NECTIN4: variants seen among roughly 807,000 people sequenced by gnomAD.
NECTIN4 encodes nectin-4.
Under a neutral mutation model 51.7 loss-of-function variants are expected in NECTIN4, and 19 were observed. That is an observed-to-expected ratio of 0.37 (90% CI 0.26 to 0.54). The LOEUF is 0.54. NECTIN4 is among the 20% of genes least tolerant of loss of function. NECTIN4 has a pLI of 0.86. For missense variants in NECTIN4, 619 were observed against 662.4 expected (o/e 0.93, Z 0.72); for synonymous variants, 283 against 286.9 (o/e 0.99, Z 0.14).
chr1:161,079,541 C>A, intron 2 of NECTIN4, 49 bp downstream of exon 2: 1 of 1,595,470 alleles, frequency 6.3e-7, no homozygotes, highest in Non-Finnish European at 8.5e-7. Flanking sequence ...ATCTCTGCTT[C>A]CCCCTGCATC....
chr1:161,072,539 G>T lies in NECTIN4; in HGVS notation c.*122C>A. 1 of 823,768 alleles carries T rather than the reference G, an allele frequency of 1.2e-6. No homozygotes were observed. Among genetic ancestry groups the T allele is most frequent in the Admixed American group, 1.9e-5 (1 of 51,724 alleles). The allele number at this position is 823,768 out of a possible 1,614,324, so 51.0% of individuals were successfully genotyped here. ...AAGGGTTGGAGGTAAAGGTCAAGCA[G>T]TCAGTGGGATGGGGAGCATCTTCCG... On this transcript the variant is annotated 3_prime_UTR_variant, in exon 9 of 9. Transcript: ENST00000368012.
At chr1:161,074,088 C>G in intron 6 of NECTIN4, 129 bp downstream of exon 6, 2 of 1,189,200 alleles carry the variant, frequency 1.7e-6, no homozygotes, top group Non-Finnish European at 2.5e-6. Flanking sequence ...TAGAAACACC[C>G]TGCCCACCTC....
In NECTIN4 at chr1:161,074,266, G is replaced by A. The variant is rs773867746; in HGVS notation, c.1108C>T (p.Leu370Phe). 10 of 1,613,832 alleles carry A rather than the reference G, an allele frequency of 6.2e-6. No homozygotes were observed. Among genetic ancestry groups the A allele is most frequent in the Admixed American group, 5.0e-5 (3 of 59,972 alleles). Residue 370 changes from leucine to phenylalanine, a missense_variant, in exon 6 of 9, where the codon CTC becomes TTC. Around this residue, in one of 3 missense-constraint regions of NECTIN4, gnomAD observed 364 missense variants for 415.7 expected, o/e 0.88. Coordinates refer to ENST00000368012, the MANE Select transcript of NECTIN4 (RefSeq NM_030916.3). ...LFCLLVVVVV[L>F]MSRYHRRKAQ... ...TTGCGCCGATGGTATCGGGACATGA[G>A]CACCACCACCACCACCAGAAGGCAG...
rs1374946028 is a variant in NECTIN4 at position 161,089,140 on chromosome 1, G to A, written c.79+78C>T. The A allele has an allele frequency of 4.0e-6, 5 of 1,244,164 alleles. No homozygotes were observed. The highest frequency in any genetic ancestry group is 5.9e-6 in the Non-Finnish European group (5 of 845,808). The allele number at this position is 1,244,164 out of a possible 1,614,324, so 77.1% of individuals were successfully genotyped here. A position where few individuals can be genotyped will look rare whatever the true frequency, so the allele number is the denominator to read the frequency against. ...AGGATATGTGTGTGCGTGCGTGTGT[G>A]TCTATGTGTTTGTGCATGTGTGTCA... On this transcript the variant is annotated intron_variant, in intron 1 of 8. Coordinates refer to ENST00000368012, the MANE Select transcript of NECTIN4 (RefSeq NM_030916.3). The surrounding 1 kb of genome is among the most constrained non-coding windows in gnomAD (Gnocchi z 4.1).
chr1:161,077,410 G>A, intron 3 of NECTIN4, 43 bp downstream of exon 3: 1 of 1,610,866 alleles, frequency 6.2e-7, no homozygotes, highest in Non-Finnish European at 8.5e-7. Context: ...CCAATCTGCT[G>A]AGAACCCCTT....
intron 6 of NECTIN4, 59 bp downstream of exon 6, chr1:161,074,158 G>T: frequency 1.2e-6 from 2 of 1,606,044 alleles, no homozygotes; most frequent in African/African-American, 1.3e-5. Context: ...CCCACCTCCT[G>T]CTATCCTCTT....
At chr1:161,081,685 C>T (rs1653683738) in intron 1 of NECTIN4, among the ~76,000 whole-genome samples, 1 of 152,108 alleles carries the variant, frequency 6.6e-6, no homozygotes, top group South Asian at 2.1e-4. Context: ...CCTTGTTGTT[C>T]CTCACCTCTG....
intron 3 of NECTIN4, 78 bp from the exon 4 acceptor site, chr1:161,076,553 C>G (rs935222072): frequency 6.3e-7 from 1 of 1,582,348 alleles, no homozygotes; most frequent in Non-Finnish European, 8.6e-7. Context: ...CCTGCCCCCA[C>G]CCCACCCTGC....
chr1:161,078,322 T>G (rs1233675103), intron 2 of NECTIN4, among the ~76,000 whole-genome samples: 3 of 151,914 alleles, frequency 2.0e-5, no homozygotes, highest in African/African-American at 7.3e-5. Context: ...ATTTATCTAC[T>G]TGTGAGACTG....
Position 161,074,498 on chromosome 1 carries a change from C to T in NECTIN4, c.1000+113G>A, listed in dbSNP as rs571358430. 2.8e-4 allele frequency: 434 copies of T among 1,574,800 alleles called. 1 individual carries two copies. The South Asian group carries it at 4.5e-3, about 16-fold the overall frequency. On this transcript the variant is annotated intron_variant, in intron 5 of 8. Coordinates refer to ENST00000368012, the MANE Select transcript of NECTIN4 (RefSeq NM_030916.3). ...TTGATTCTCTGCAAGACACACAGCC[C>T]AGCCCCCTCTGAATAAACACTTTCC...
intron 1 of NECTIN4, among the ~76,000 whole-genome samples, chr1:161,087,734 C>T (rs1173005945): frequency 6.6e-6 from 1 of 151,810 alleles, no homozygotes; most frequent in Non-Finnish European, 1.5e-5. Context: ...GAGATTGGCT[C>T]CTCAGTTCAG....
chr1:161,086,718 C>A (rs753492415), intron 1 of NECTIN4, among the ~76,000 whole-genome samples: 3 of 152,156 alleles, frequency 2.0e-5, no homozygotes, highest in African/African-American at 4.8e-5. Flanking sequence ...GGTGCTGAGG[C>A]GCCTCCCAAG....
Position 161,077,450 on chromosome 1 carries a change from T to C in NECTIN4, c.730+3A>G. 1 of 1,613,852 alleles carries C rather than the reference T, an allele frequency of 6.2e-7. No individual in the cohort carries two copies. The highest frequency in any genetic ancestry group is 8.5e-7 in the Non-Finnish European group (1 of 1,179,926). On this transcript the variant is annotated splice_donor_region_variant and intron_variant, in intron 3 of 8. Coordinates refer to ENST00000368012, the MANE Select transcript of NECTIN4 (RefSeq NM_030916.3). ...CTCCCTACCCAAGCATCCAAGTACT[T>C]ACAGGACACGTGGAGGATGTGGGTG...
At chr1:161,076,915 A>G (rs1473850128) in intron 3 of NECTIN4, among the ~76,000 whole-genome samples, 1 of 152,258 alleles carries the variant, frequency 6.6e-6, no homozygotes, top group Admixed American at 6.5e-5. Context: ...TATCCCCTCC[A>G]GAGGCTTGAA....
intron 3 of NECTIN4, among the ~76,000 whole-genome samples, chr1:161,076,975 C>T (rs1035144367): frequency 1.6e-5 from 2 of 127,940 alleles, no homozygotes; most frequent in Admixed American, 7.9e-5. Context: ...GCCTTCCATG[C>T]GCTAAGCACT....
Position 161,079,799 on chromosome 1 carries a change from T to C in NECTIN4, c.230A>G (p.Gln77Arg). Residue 77 changes from glutamine (Q) to arginine (R), a missense_variant, in exon 2 of 9, where the codon CAG becomes CGG. Physicochemically the swap from Gln to Arg is conservative, Grantham distance 43 (BLOSUM62 1). Transcript: ENST00000368012. Reference sequence around the variant, plus strand: ...TTTGGAGTGCAGTAGCGCTAGTTCCTGGGCGCCTTCGCCCGCGTCCACCCG... The same window carrying C: ...TTTGGAGTGCAGTAGCGCTAGTTCCCGGGCGCCTTCGCCCGCGTCCACCCG... ...WARVDAGEGA[Q>R]ELALLHSKYG... 1 of 1,613,480 alleles carries C rather than the reference T, an allele frequency of 6.2e-7. No individual in the cohort carries two copies. Among genetic ancestry groups the C allele is most frequent in the Non-Finnish European group, 8.5e-7 (1 of 1,179,996 alleles).
At chr1:161,076,007 C>A (rs1207559726) in intron 4 of NECTIN4, among the ~76,000 whole-genome samples, 1 of 152,018 alleles carries the variant, frequency 6.6e-6, no homozygotes, top group African/African-American at 2.4e-5. Context: ...ACCCAGGAGG[C>A]GGAGGTTTCA....
Position 161,089,120 on chromosome 1 carries a change from A to G in NECTIN4, c.79+98T>C. ...AGTTCAGAGTCAAAGAAAGGAGGATATGTGTGTGCGTGCGTGTGTGTCTAT... is the reference window on the plus strand; with the variant it reads ...AGTTCAGAGTCAAAGAAAGGAGGATGTGTGTGTGCGTGCGTGTGTGTCTAT... On this transcript the variant is annotated intron_variant, in intron 1 of 8. Coordinates refer to ENST00000368012, the MANE Select transcript of NECTIN4 (RefSeq NM_030916.3). The surrounding 1 kb of genome is among the most constrained non-coding windows in gnomAD (Gnocchi z 4.1). 4 of 1,052,788 alleles carry G rather than the reference A, an allele frequency of 3.8e-6. No homozygotes were observed. The highest frequency in any genetic ancestry group is 5.9e-6 in the Non-Finnish European group (4 of 674,898). The allele number at this position is 1,052,788 out of a possible 1,614,324, so 65.2% of individuals were successfully genotyped here. A position where few individuals can be genotyped will look rare whatever the true frequency, so the allele number is the denominator to read the frequency against.
intron 1 of NECTIN4, among the ~76,000 whole-genome samples, chr1:161,086,286 T>C (rs1301802052): frequency 6.6e-6 from 1 of 152,158 alleles, no homozygotes; most frequent in East Asian, 1.9e-4. Context: ...CCCGGCCTCC[T>C]TAAACACTAG....
Sources: gnomAD v4.1 joint callset for allele counts (sites outside exome capture counted in the v4.1 genomes callset) on GRCh38, gnomAD v4.1.1 for gene constraint, gnomAD v4.1.1 regional missense constraint, Gnocchi (gnomAD v3.1) non-coding constraint, MANE v1.5 for transcripts, NCBI Gene and HGNC (gene_info 2026-07-23, HGNC 2026-07-21) for gene names.